Variants in ZAP70 observed in about 807,000 individuals in gnomAD.
ZAP70 encodes zeta chain of T cell receptor associated protein kinase 70, also known as tyrosine-protein kinase ZAP-70.
ZAP70 carries 27 observed loss-of-function variants against 65.8 expected under a neutral mutation model. That is an observed-to-expected ratio of 0.41 (90% CI 0.30 to 0.57). The LOEUF (loss-of-function observed/expected upper bound fraction) is 0.57. Among genes scored for constraint, ZAP70 ranks in the 20% least tolerant of loss-of-function variants. The pLI is 0.28. For synonymous variants in ZAP70, 363 were observed against 360.8 expected (o/e 1.01, Z -0.07); for missense variants, 696 against 870.5 (o/e 0.80, Z 2.52).
downstream of ZAP70, among the ~76,000 whole-genome samples, chr2:97,742,508 C>T (rs1678157073): frequency 6.6e-6 from 1 of 152,250 alleles, no homozygotes; most frequent in African/African-American, 2.4e-5. Flanking sequence ...GCCCTGTGGC[C>T]ACATGGGTGA....
At position 97,739,797 on chromosome 2, in the gene ZAP70, T is replaced by C. The variant is rs1356500605; in HGVS notation, c.*299T>C. On this transcript the variant is annotated 3_prime_UTR_variant, in exon 14 of 14. Coordinates refer to ENST00000264972, the MANE Select transcript of ZAP70 (RefSeq NM_001079.4). Reference sequence around the variant, plus strand: ...GATGCCTTCCCCTGGGCCCTGACATTGGAGCCTGGGCATCCTCAGGTGGTC... The same window carrying C: ...GATGCCTTCCCCTGGGCCCTGACATCGGAGCCTGGGCATCCTCAGGTGGTC... 4 of 453,200 alleles carry C rather than the reference T, an allele frequency of 8.8e-6. No homozygotes were observed. The highest frequency in any genetic ancestry group is 1.6e-5 in the Non-Finnish European group (4 of 249,348). 28.1% of individuals were successfully genotyped at this position (453,200 alleles called of 1,614,324 possible).
chr2:97,723,717 G>A (rs1234673174), intron 2 of ZAP70, among the ~76,000 whole-genome samples: 2 of 152,266 alleles, frequency 1.3e-5, no homozygotes, highest in East Asian at 1.9e-4. Context: ...AATTCAGCAC[G>A]TGGTTGGGAC....
chr2:97,734,509 T>C lies in ZAP70; in HGVS notation c.890-11T>C, dbSNP rs759332713. On this transcript the variant is annotated splice_polypyrimidine_tract_variant and intron_variant, in intron 8 of 13. Coordinates refer to ENST00000264972, the MANE Select transcript of ZAP70 (RefSeq NM_001079.4). ...CCCCTGACCTGGGAGTGTACCGCTGTGTGTGCCCAGCACGCATAACGTCCC... is the reference window on the plus strand; with the variant it reads ...CCCCTGACCTGGGAGTGTACCGCTGCGTGTGCCCAGCACGCATAACGTCCC... The C allele has an allele frequency of 5.0e-6, 8 of 1,612,624 alleles. No homozygotes were observed. The highest frequency in any genetic ancestry group is 1.6e-4 in the Middle Eastern group (1 of 6,078).
chr2:97,733,207 C>A lies in ZAP70; in HGVS notation c.785C>A (p.Ala262Asp). The A allele has an allele frequency of 6.2e-7, 1 of 1,613,404 alleles. No homozygotes were observed. The highest frequency in any genetic ancestry group is 1.1e-5 in the South Asian group (1 of 91,064). Residue 262 changes from alanine to aspartate, a missense_variant, in exon 6 of 14, where the codon GCC (alanine) becomes GAC (aspartate). Physicochemically the swap from Ala to Asp is moderately radical, Grantham distance 126 (BLOSUM62 -2). This residue lies in a region of ZAP70 where 551 missense variants were observed against 630.0 expected (regional missense o/e 0.87). Coordinates refer to ENST00000264972, the MANE Select transcript of ZAP70 (RefSeq NM_001079.4). Reference protein sequence around the residue: ...EACPNSSASNASGAAAPTLPA... With the variant: ...EACPNSSASNDSGAAAPTLPA... ...TGCCCCAACAGCAGTGCCAGCAACG[C>A]CTCAGGTGACGGCAGCAGGCGGGCG...
chr2:97,734,787 G>T, intron 9 of ZAP70, 75 bp downstream of exon 9: 3 of 1,571,764 alleles, frequency 1.9e-6, no homozygotes, highest in South Asian at 1.1e-5. Context: ...GCTGTGGGAC[G>T]GGAGCCGGGA....
chr2:97,741,690 GGTAA>G (rs935692348), downstream of ZAP70, among the ~76,000 whole-genome samples: 8 of 152,252 alleles, frequency 5.3e-5, no homozygotes, highest in African/African-American at 1.4e-4. Flanking sequence ...AGCCTGGGCT[GGTAA>G]GTGAGTTACA....
At chr2:97,733,364 G>A in intron 7 of ZAP70, 21 bp downstream of exon 7, 2 of 1,590,330 alleles carry the variant, frequency 1.3e-6, no homozygotes, top group Non-Finnish European at 1.7e-6. Context: ...GGCACCTGGA[G>A]TGTGGCCTTG....
the ZAP70 span, among the ~76,000 whole-genome samples, chr2:97,749,274 G>A: frequency 6.6e-6 from 1 of 152,186 alleles, no homozygotes; most frequent in Non-Finnish European, 1.5e-5. Flanking sequence ...CTCCCAAAGT[G>A]CTAGGATTGC....
chr2:97,752,637 T>C, the ZAP70 span, among the ~76,000 whole-genome samples: 1 of 152,242 alleles, frequency 6.6e-6, no homozygotes, highest in African/African-American at 2.4e-5. Context: ...CCTTTTACTA[T>C]TACTATAGCT....
chr2:97,714,532 TCA>T (rs925877989), intron 2 of ZAP70, among the ~76,000 whole-genome samples: 32 of 152,264 alleles, frequency 2.1e-4, no homozygotes, highest in African/African-American at 7.2e-4. Context: ...CTCTCTGACC[TCA>T]GTTTGTGCAT....
chr2:97,748,568 A>C, the ZAP70 span, among the ~76,000 whole-genome samples: 1 of 152,116 alleles, frequency 6.6e-6, no homozygotes, highest in Non-Finnish European at 1.5e-5. Flanking sequence ...CTCACTTATG[A>C]TGCTGCTAGA....
chr2:97,719,493 C>G (rs1056556233), intron 2 of ZAP70, among the ~76,000 whole-genome samples: 10 of 148,444 alleles, frequency 6.7e-5, no homozygotes, highest in Non-Finnish European at 1.5e-4. Context: ...GAGGAGGTCA[C>G]AGAGTGCTTG....
chr2:97,739,621 G>T lies in ZAP70; in HGVS notation c.*123G>T. 1 of 1,423,310 alleles carries T rather than the reference G, an allele frequency of 7.0e-7. No homozygotes were observed. The highest frequency in any genetic ancestry group is 9.5e-7 in the Non-Finnish European group (1 of 1,057,230). 88.2% of individuals were successfully genotyped at this position (1,423,310 alleles called of 1,614,324 possible). On this transcript the variant is annotated 3_prime_UTR_variant, in exon 14 of 14. Coordinates refer to ENST00000264972, the MANE Select transcript of ZAP70 (RefSeq NM_001079.4). ...CACACACAGCTGGGCTGTGGTAGGGGGTGTCTCAGGCCACACCGGCCTTGC... is the reference window on the plus strand; with the variant it reads ...CACACACAGCTGGGCTGTGGTAGGGTGTGTCTCAGGCCACACCGGCCTTGC...
chr2:97,742,144 T>C (rs1388629113), downstream of ZAP70, among the ~76,000 whole-genome samples: 1 of 152,162 alleles, frequency 6.6e-6, no homozygotes, highest in African/African-American at 2.4e-5. Flanking sequence ...CAAGGCCTGG[T>C]GCGGTGATCA....
chr2:97,745,275 G>A, the ZAP70 span, among the ~76,000 whole-genome samples: 1 of 152,186 alleles, frequency 6.6e-6, no homozygotes, highest in Admixed American at 6.5e-5. Context: ...CTGACCTCAG[G>A]TGATCCACCT....
intron 4 of ZAP70, among the ~76,000 whole-genome samples, chr2:97,728,474 T>A (rs1378081133): frequency 2.0e-5 from 3 of 152,216 alleles, no homozygotes; most frequent in African/African-American, 7.2e-5. Context: ...ACAGAAACTG[T>A]GAGAGCTTCT....
chr2:97,718,612 C>T (rs1340590616), intron 2 of ZAP70, among the ~76,000 whole-genome samples: 1 of 152,148 alleles, frequency 6.6e-6, no homozygotes, highest in Non-Finnish European at 1.5e-5. Flanking sequence ...AGGAAGAGAG[C>T]CTGCCTCTGG....
At chr2:97,714,794 C>T (rs560683996) in intron 2 of ZAP70, among the ~76,000 whole-genome samples, 1 of 152,300 alleles carries the variant, frequency 6.6e-6, no homozygotes, top group African/African-American at 2.4e-5. Flanking sequence ...TGTGAAGCTG[C>T]CTCCTGCTGA....
chr2:97,739,232 C>A, intron 13 of ZAP70, 143 bp from the exon 14 acceptor site: 2 of 1,323,338 alleles, frequency 1.5e-6, no homozygotes, highest in Non-Finnish European at 2.1e-6. Context: ...CTCCACCACC[C>A]AATGTCCCGC....
Sources: gnomAD v4.1 joint callset for allele counts (sites outside exome capture counted in the v4.1 genomes callset) on GRCh38, gnomAD v4.1.1 for gene constraint, gnomAD v4.1.1 regional missense constraint, MANE v1.5 for transcripts, NCBI Gene and HGNC (gene_info 2026-07-23, HGNC 2026-07-21) for gene names.